BAZ1B: variants seen among roughly 807,000 people sequenced by gnomAD.
BAZ1B encodes tyrosine-protein kinase BAZ1B.
In BAZ1B, 22 loss-of-function variants were observed where a neutral mutation model predicts 153.8. The observed-to-expected ratio is 0.14, with a 90% CI of 0.10 to 0.20. BAZ1B has a LOEUF of 0.20. BAZ1B is among the 10% of genes least tolerant of loss of function. The pLI is 1.00. For synonymous variants in BAZ1B, 676 were observed against 633.4 expected (o/e 1.07, Z -1.01); for missense variants, 1,325 against 1,799.3 (o/e 0.74, Z 4.77).
intron 15 of BAZ1B, among the ~76,000 whole-genome samples, chr7:73,448,826 T>C (rs799213): frequency 0.013 from 1,910 of 152,232 alleles, 42 homozygotes; most frequent in African/African-American, 0.044. Flanking sequence ...GGAATTGGGA[T>C]GTTATTCTAG....
rs1313453054 is a variant in BAZ1B at position 73,441,109 on chromosome 7, C to G, written c.*600G>C. The G allele has an allele frequency of 6.6e-6, 1 of 152,490 alleles. No individual in the cohort carries two copies. The highest frequency in any genetic ancestry group is 1.5e-5 in the Non-Finnish European group (1 of 68,082). The allele number at this position is 152,490 out of a possible 1,614,324, so 9.4% of individuals were successfully genotyped here. A position where few individuals can be genotyped will look rare whatever the true frequency, so the allele number is the denominator to read the frequency against. On this transcript the variant is annotated 3_prime_UTR_variant, in exon 20 of 20. Coordinates refer to ENST00000339594, the MANE Select transcript of BAZ1B (RefSeq NM_032408.4). Reference sequence around the variant, plus strand: ...GCAGCAGACACAGCACTGCCCTGCTCCCCCTCCAATGTTGCTGCTTGCCTC... The same window carrying G: ...GCAGCAGACACAGCACTGCCCTGCTGCCCCTCCAATGTTGCTGCTTGCCTC...
intron 5 of BAZ1B, 25 bp downstream of exon 5, chr7:73,492,775 T>C (rs201936202): frequency 1.9e-6 from 3 of 1,571,928 alleles, no homozygotes; most frequent in African/African-American, 1.4e-5. Flanking sequence ...ATCTATCACA[T>C]GTAAAAAGTA....
At chr7:73,489,037 T>C (rs149059325) in intron 6 of BAZ1B, among the ~76,000 whole-genome samples, 157 bp downstream of exon 6, 2 of 152,288 alleles carry the variant, frequency 1.3e-5, no homozygotes, top group East Asian at 3.9e-4. Context: ...CCTACCAACC[T>C]CACATAACAA....
chr7:73,479,508 CAAAAAA>C (rs565909571), intron 6 of BAZ1B, among the ~76,000 whole-genome samples: 33 of 66,926 alleles, frequency 4.9e-4, no homozygotes, highest in African/African-American at 1.6e-3. Flanking sequence ...ACCCCCGTCT[CAAAAAA>C]AAAAAAAAAA....
intron 1 of BAZ1B, among the ~76,000 whole-genome samples, chr7:73,519,902 AATGT>A (rs1446947584): frequency 2.0e-5 from 3 of 152,144 alleles, no homozygotes; most frequent in African/African-American, 7.2e-5. Flanking sequence ...TGCCGATTCG[AATGT>A]ATTAAAAAGT....
At chr7:73,451,049 G>A (rs1788012140) in intron 13 of BAZ1B, 55 bp from the exon 14 acceptor site, 2 of 1,591,036 alleles carry the variant, frequency 1.3e-6, no homozygotes, top group African/African-American at 2.7e-5. Context: ...GACACTGAGA[G>A]AGAACTAGGA....
Position 73,492,833 on chromosome 7 carries a change from G to A in BAZ1B, c.660C>T (p.His220=). The change falls in exon 5 of 20, where the codon CAC becomes CAT. Residue 220 remains histidine (H), a synonymous_variant. Coordinates refer to ENST00000339594, the MANE Select transcript of BAZ1B (RefSeq NM_032408.4). ...RKWAPPKFLP[H]KYDVKLQNED... is the part of the protein sequence containing the mutation. The stretch of plus-strand genomic sequence containing the variant: ...CATTTTGTAGTTTCACATCATATTT[G>A]TGAGGCAGAAATTTTGGAGGAGCCC... 6.2e-7 allele frequency: 1 copy of A among 1,608,562 alleles called. No homozygotes were observed. Among genetic ancestry groups the A allele is most frequent in the South Asian group, 1.1e-5 (1 of 89,878 alleles).
chr7:73,442,669 CT>C, intron 18 of BAZ1B, 55 bp downstream of exon 18: 1 of 1,576,346 alleles, frequency 6.3e-7, no homozygotes, highest in Non-Finnish European at 8.6e-7. Context: ...GCTCTGGAAG[CT>C]TTTAGAACCA....
intron 12 of BAZ1B, among the ~76,000 whole-genome samples, chr7:73,461,357 G>C (rs1267541874): frequency 2.0e-5 from 3 of 152,218 alleles, no homozygotes; most frequent in Non-Finnish European, 4.4e-5. Context: ...ATACTATCTT[G>C]TCAATCACAC....
chr7:73,492,416 C>A (rs1216595719), intron 5 of BAZ1B, among the ~76,000 whole-genome samples: 1 of 152,210 alleles, frequency 6.6e-6, no homozygotes, highest in African/African-American at 2.4e-5. Flanking sequence ...CCCACCTCGG[C>A]CTCCCAAAGT....
intron 6 of BAZ1B, among the ~76,000 whole-genome samples, chr7:73,483,007 C>A (rs1554573914): frequency 6.6e-6 from 1 of 152,098 alleles, no homozygotes; most frequent in Admixed American, 6.5e-5. Flanking sequence ...TGCTCCCTAT[C>A]CCCCACTCAG....
At chr7:73,454,219 G>A (rs191037561) in intron 13 of BAZ1B, among the ~76,000 whole-genome samples, 188 of 152,092 alleles carry the variant, frequency 1.2e-3, no homozygotes, top group South Asian at 8.3e-3. Flanking sequence ...CCAGCTACTC[G>A]GGAAAGTGAG....
intron 13 of BAZ1B, among the ~76,000 whole-genome samples, chr7:73,456,526 G>A (rs1029946685): frequency 8.5e-5 from 13 of 152,048 alleles, no homozygotes; most frequent in African/African-American, 3.1e-4. Context: ...GTAGACAAAT[G>A]GACAATAAGC....
chr7:73,482,680 A>C (rs1789246930), intron 6 of BAZ1B, among the ~76,000 whole-genome samples: 1 of 152,200 alleles, frequency 6.6e-6, no homozygotes, highest in African/African-American at 2.4e-5. Flanking sequence ...TCTTCCACTT[A>C]GAAGCATAGT....
intron 1 of BAZ1B, among the ~76,000 whole-genome samples, chr7:73,512,448 G>A (rs1790627003): frequency 1.3e-5 from 2 of 152,096 alleles, no homozygotes; most frequent in Non-Finnish European, 2.9e-5. Context: ...ATTCCGGAAA[G>A]TACTTTTGAT....
chr7:73,449,245 C>G (rs545797754), intron 15 of BAZ1B, among the ~76,000 whole-genome samples: 11 of 152,194 alleles, frequency 7.2e-5, no homozygotes, highest in African/African-American at 2.6e-4. Flanking sequence ...CATGAAGACA[C>G]AGGAAGTGGG....
intron 3 of BAZ1B, among the ~76,000 whole-genome samples, chr7:73,504,467 T>C (rs1427590007): frequency 6.6e-6 from 1 of 151,804 alleles, no homozygotes; most frequent in African/African-American, 2.4e-5. Flanking sequence ...ATCGAGACCA[T>C]CCTGGCTAAT....
intron 2 of BAZ1B, among the ~76,000 whole-genome samples, chr7:73,509,432 A>T (rs1280291040): frequency 6.6e-6 from 1 of 151,660 alleles, no homozygotes; most frequent in Non-Finnish European, 1.5e-5. Context: ...TACAAAGATT[A>T]AAAAAAAACA....
At chr7:73,452,655 G>A (rs913724437) in intron 13 of BAZ1B, among the ~76,000 whole-genome samples, 4 of 151,276 alleles carry the variant, frequency 2.6e-5, no homozygotes, top group Admixed American at 2.6e-4. Context: ...CCGGGAGGCG[G>A]AGGCTGCAGT....
Sources: allele counts gnomAD v4.1 joint callset (sites outside exome capture counted in the v4.1 genomes callset), GRCh38; gene constraint gnomAD v4.1.1; transcripts MANE v1.5; gene names NCBI Gene and HGNC (gene_info 2026-07-23, HGNC 2026-07-21).